Variants in DPF3 observed in about 807,000 individuals in gnomAD.
DPF3 encodes zinc finger protein DPF3.
A neutral mutation model predicts 56.8 loss-of-function variants in DPF3; 18 were observed. The ratio of observed to expected loss-of-function variants is 0.32; its 90% CI spans 0.22 to 0.47. The LOEUF is 0.47. Ranked by LOEUF, DPF3 falls within the 20% of genes least tolerant of loss-of-function variation. The pLI, the probability that DPF3 is intolerant of heterozygous loss-of-function variation, is 1.00. For synonymous variants in DPF3, 188 were observed against 180.2 expected (o/e 1.04, Z -0.35); for missense variants, 403 against 488.8 (o/e 0.82, Z 1.65).
intron 9 of DPF3, among the ~76,000 whole-genome samples, chr14:72,620,750 T>C (rs1884381583): frequency 6.6e-6 from 1 of 152,242 alleles, no homozygotes; most frequent in Non-Finnish European, 1.5e-5. Context: ...AAGTTGTCTC[T>C]TCCCTCGTGC....
rs1886472504 is a variant in DPF3, at chr14:72,884,955, T to TATATATATATATATACAC, written c.32+9101_32+9102insGTGTATATATATATATAT. On this transcript the variant is annotated intron_variant, in intron 1 of 10. Coordinates refer to ENST00000556509, the MANE Select transcript of DPF3 (RefSeq NM_001280542.3). ...ACTAAAAATACTATATATATATATA[T>TATATATATATATATACAC]ATATATATATATATATTAGCCGGGC... Among the ~76,000 whole-genome samples, 8 of 95,556 alleles carry TATATATATATATATACAC rather than the reference T, an allele frequency of 8.4e-5. 1 individual carries two copies. In the South Asian group the frequency reaches 3.0e-3, roughly 36 times the overall value. The allele number at this position is 95,556 out of a possible 152,430, so 62.7% of individuals were successfully genotyped here.
chr14:72,781,806 C>T (rs540246121), intron 1 of DPF3, among the ~76,000 whole-genome samples: 1 of 152,236 alleles, frequency 6.6e-6, no homozygotes, highest in South Asian at 2.1e-4. Flanking sequence ...GGCATCCAGA[C>T]GTGACCAAAT....
chr14:72,836,295 CA>C, intron 1 of DPF3: 1 of 985,692 alleles, frequency 1.0e-6, no homozygotes, highest in Non-Finnish European at 1.2e-6. Context: ...TCTCTCCTGC[CA>C]AACTCCCAGG....
chr14:72,658,476 A>G (rs1886116879), intron 8 of DPF3, among the ~76,000 whole-genome samples: 1 of 152,200 alleles, frequency 6.6e-6, no homozygotes. Context: ...AAAGAAGGGT[A>G]AAAGGAATGT....
At chr14:72,738,994 A>G (rs1435169967) in intron 3 of DPF3, among the ~76,000 whole-genome samples, 1 of 152,154 alleles carries the variant, frequency 6.6e-6, no homozygotes, top group Non-Finnish European at 1.5e-5. Context: ...TAATCCCAAT[A>G]TTTTGGGAGG....
chr14:72,766,982 G>C (rs1891313001), intron 2 of DPF3, among the ~76,000 whole-genome samples: 1 of 152,190 alleles, frequency 6.6e-6, no homozygotes, highest in Non-Finnish European at 1.5e-5. Context: ...GGTATCAGTA[G>C]AGGCCCTCCT....
At chr14:72,814,847 A>G (rs866905022) in intron 1 of DPF3, among the ~76,000 whole-genome samples, 12 of 152,124 alleles carry the variant, frequency 7.9e-5, no homozygotes, top group Non-Finnish European at 1.3e-4. Flanking sequence ...TGGATCGTAG[A>G]GCTAAATGGA....
intron 2 of DPF3, among the ~76,000 whole-genome samples, chr14:72,767,052 C>G (rs144680157): frequency 6.6e-6 from 1 of 152,314 alleles, no homozygotes; most frequent in Non-Finnish European, 1.5e-5. Flanking sequence ...CCCACCTCCA[C>G]TCAGCAACAA....
intron 1 of DPF3, among the ~76,000 whole-genome samples, chr14:72,884,971 T>TATATATATACATATATATATATA (rs10523148): frequency 9.0e-6 from 1 of 111,686 alleles, no homozygotes; most frequent in Non-Finnish European, 1.9e-5. Context: ...TATATATATA[T>TATATATATACATATATATATATA]TAGCCGGGCG....
intron 4 of DPF3, among the ~76,000 whole-genome samples, chr14:72,727,481 C>A (rs756138698): frequency 6.6e-6 from 1 of 151,590 alleles, no homozygotes; most frequent in Non-Finnish European, 1.5e-5. Context: ...AAGGCTGAGG[C>A]AGGAGAATCG....
chr14:72,643,716 T>G (rs1055994466), intron 8 of DPF3, among the ~76,000 whole-genome samples: 2 of 152,210 alleles, frequency 1.3e-5, no homozygotes, highest in African/African-American at 4.8e-5. Flanking sequence ...TCACCAGCTT[T>G]CCCTGTGAAG....
chr14:72,785,878 T>C (rs1892189135), intron 1 of DPF3, among the ~76,000 whole-genome samples: 1 of 152,122 alleles, frequency 6.6e-6, no homozygotes, highest in South Asian at 2.1e-4. Flanking sequence ...AAAAGAGAAA[T>C]GCCAGAAAGT....
In DPF3 at chr14:72,712,024, G is replaced by A. The variant is rs974721760; in HGVS notation, c.604+2399C>T. Among the ~76,000 whole-genome samples the A allele has an allele frequency of 3.3e-5, 5 of 151,836 alleles. No individual in the cohort carries two copies. In the East Asian group the frequency reaches 9.7e-4, roughly 29 times the overall value. On this transcript the variant is annotated intron_variant, in intron 6 of 10. Transcript: ENST00000556509. ...ATAAAAATAAAGTCTATTAATCACC[G>A]AGCTGCCACACAATTTCCAAAGAGA...
chr14:72,838,177 G>T (rs1462054363), intron 1 of DPF3, among the ~76,000 whole-genome samples: 3 of 152,196 alleles, frequency 2.0e-5, no homozygotes, highest in African/African-American at 7.2e-5. Flanking sequence ...CCTGCTCCTG[G>T]AAGTCATTGA....
chr14:72,695,699 G>A (rs1015068704), intron 6 of DPF3, among the ~76,000 whole-genome samples: 1 of 152,152 alleles, frequency 6.6e-6, no homozygotes, highest in Non-Finnish European at 1.5e-5. Flanking sequence ...ACTCCAAAAG[G>A]GGGAAGGGAA....
intron 8 of DPF3, among the ~76,000 whole-genome samples, chr14:72,647,259 C>T (rs1885754671): frequency 1.3e-5 from 2 of 152,226 alleles, no homozygotes; most frequent in African/African-American, 2.4e-5. Flanking sequence ...AACCTCTACG[C>T]CCATTCCCAG....
intron 8 of DPF3, among the ~76,000 whole-genome samples, chr14:72,640,968 G>A (rs749381758): frequency 9.2e-5 from 14 of 152,184 alleles, no homozygotes; most frequent in African/African-American, 2.4e-4. Context: ...AGTTGAAAGC[G>A]TTAAAGAGCA....
chr14:72,853,658 G>A (rs1297073924), intron 1 of DPF3, among the ~76,000 whole-genome samples: 1 of 151,756 alleles, frequency 6.6e-6, no homozygotes, highest in African/African-American at 2.4e-5. Context: ...GTAGAGACGG[G>A]GTTTCACTAT....
At chr14:72,682,798 G>A (rs1253459424) in intron 7 of DPF3, among the ~76,000 whole-genome samples, 4 of 152,190 alleles carry the variant, frequency 2.6e-5, no homozygotes, top group African/African-American at 4.8e-5. Flanking sequence ...AAAGCAGGCC[G>A]GGAAGTTGGT....
Sources: gnomAD v4.1 joint callset for allele counts (sites outside exome capture counted in the v4.1 genomes callset) on GRCh38, gnomAD v4.1.1 for gene constraint, MANE v1.5 for transcripts, NCBI Gene and HGNC (gene_info 2026-07-23, HGNC 2026-07-21) for gene names.